Variants in KATNBL1 observed in about 807,000 individuals in gnomAD.
KATNBL1 encodes the protein katanin regulatory subunit B1 like 1.
Under a neutral mutation model 44.7 loss-of-function variants are expected in KATNBL1, and 28 were observed. The observed-to-expected ratio is 0.63, with a 90% CI of 0.46 to 0.86. KATNBL1 has a LOEUF of 0.86. Among genes scored for constraint, KATNBL1 ranks in the 40% least tolerant of loss-of-function variants. The pLI, the probability that KATNBL1 is intolerant of heterozygous loss-of-function variation, is 0.00. For missense variants in KATNBL1, 272 were observed against 350.7 expected (o/e 0.78, Z 1.79); for synonymous variants, 78 against 114.9 (o/e 0.68, Z 2.06).
Position 34,197,011 on chromosome 15 carries a change from T to C in KATNBL1, c.-15+12940A>G, listed in dbSNP as rs150419754. 2.9e-3 allele frequency among the ~76,000 whole-genome samples: 435 copies of C among 152,332 alleles called. 9 individuals are homozygous for C. Among genetic ancestry groups the C allele is most frequent in the Admixed American group, 0.023 (355 of 15,306 alleles). ...ATTTCCAATTGCTGTCTTCACTAAATTGGGAACTAAGAAGCTTGGCAAATG... is the reference window on the plus strand; with the variant it reads ...ATTTCCAATTGCTGTCTTCACTAAACTGGGAACTAAGAAGCTTGGCAAATG... On this transcript the variant is annotated intron_variant, in intron 1 of 9. Transcript: ENST00000256544.
chr15:34,168,003 A>T (rs778301971), intron 1 of KATNBL1, among the ~76,000 whole-genome samples: 19 of 152,348 alleles, frequency 1.2e-4, no homozygotes, highest in Middle Eastern at 6.8e-3. Context: ...TGTAAAGACC[A>T]TCGATGCTAT....
intron 1 of KATNBL1, among the ~76,000 whole-genome samples, chr15:34,171,809 G>A (rs1026823471): frequency 3.3e-5 from 5 of 151,960 alleles, no homozygotes; most frequent in African/African-American, 1.2e-4. Flanking sequence ...AGCTGGAAAC[G>A]ATCATTTTCA....
chr15:34,188,510 TGTGC>T (rs1473199866), intron 1 of KATNBL1, among the ~76,000 whole-genome samples: 2 of 152,100 alleles, frequency 1.3e-5, no homozygotes, highest in African/African-American at 2.4e-5. Context: ...GAGTCAAGAT[TGTGC>T]CACTGTACTC....
At chr15:34,199,374 T>C (rs1263810345) in intron 1 of KATNBL1, among the ~76,000 whole-genome samples, 1 of 152,038 alleles carries the variant, frequency 6.6e-6, no homozygotes, top group Admixed American at 6.5e-5. Context: ...GAGGTGGAGG[T>C]TGCAATGAGC....
intron 1 of KATNBL1, among the ~76,000 whole-genome samples, chr15:34,188,136 G>GCAAAAAAAAAAAA (rs1394136257): frequency 0.016 from 107 of 6,588 alleles, 3 homozygotes; most frequent in Non-Finnish European, 0.041. Flanking sequence ...AAGACGCCAT[G>GCAAAAAAAAAAAA]TAAAAAAAAA....
intron 1 of KATNBL1, among the ~76,000 whole-genome samples, chr15:34,202,970 G>A (rs1334629397): frequency 3.3e-5 from 5 of 152,044 alleles, no homozygotes; most frequent in Non-Finnish European, 5.9e-5. Flanking sequence ...CAGCCTGGGC[G>A]ACAGCAAGAC....
At chr15:34,205,920 T>A (rs1035164933) in intron 1 of KATNBL1, among the ~76,000 whole-genome samples, 1 of 152,152 alleles carries the variant, frequency 6.6e-6, no homozygotes, top group Non-Finnish European at 1.5e-5. Flanking sequence ...CTTTTAAAAA[T>A]GCCTTTAGGA....
intron 1 of KATNBL1, among the ~76,000 whole-genome samples, chr15:34,167,282 C>T (rs1476103445): frequency 3.9e-5 from 6 of 152,074 alleles, no homozygotes; most frequent in African/African-American, 7.3e-5. Flanking sequence ...AATCACAGTA[C>T]GAGAACTTCA....
chr15:34,146,970 T>C (rs866337676), intron 7 of KATNBL1, 120 bp from the exon 8 acceptor site: 12 of 688,192 alleles, frequency 1.7e-5, no homozygotes, highest in South Asian at 3.6e-5. Context: ...TTTTAAAAAA[T>C]TGTTACCTTC....
At chr15:34,182,536 C>G (rs534082253) in intron 1 of KATNBL1, among the ~76,000 whole-genome samples, 2 of 152,106 alleles carry the variant, frequency 1.3e-5, no homozygotes, top group South Asian at 4.1e-4. Flanking sequence ...AAAAATTATG[C>G]TGGGACAATA....
At chr15:34,201,891 T>G (rs148003529) in intron 1 of KATNBL1, among the ~76,000 whole-genome samples, 2 of 152,332 alleles carry the variant, frequency 1.3e-5, no homozygotes, top group African/African-American at 4.8e-5. Flanking sequence ...CTCATCACTA[T>G]TCCCCCAATA....
intron 2 of KATNBL1, among the ~76,000 whole-genome samples, chr15:34,158,999 C>T: frequency 6.6e-6 from 1 of 152,168 alleles, no homozygotes; most frequent in South Asian, 2.1e-4. Context: ...AGCGAATTAT[C>T]AGTGGTTAGT....
chr15:34,153,972 T>C (rs1247155691), intron 3 of KATNBL1, among the ~76,000 whole-genome samples: 1 of 152,250 alleles, frequency 6.6e-6, no homozygotes, highest in Admixed American at 6.5e-5. Context: ...CATATTAACA[T>C]GGAATATCTT....
chr15:34,207,020 G>C (rs1002220077), intron 1 of KATNBL1, among the ~76,000 whole-genome samples: 4 of 139,310 alleles, frequency 2.9e-5, no homozygotes, highest in Admixed American at 1.4e-4. Flanking sequence ...GATGCATCTT[G>C]TTGTTACTAG....
chr15:34,204,100 C>A (rs971450706), intron 1 of KATNBL1, among the ~76,000 whole-genome samples: 2 of 150,456 alleles, frequency 1.3e-5, no homozygotes, highest in African/African-American at 2.4e-5. Context: ...AGGTAACCAA[C>A]AACAGGCCAG....
intron 1 of KATNBL1, among the ~76,000 whole-genome samples, chr15:34,199,122 G>C (rs1214011729): frequency 1.3e-5 from 2 of 152,188 alleles, no homozygotes; most frequent in Admixed American, 6.5e-5. Flanking sequence ...TACTATACTT[G>C]TTAGGTTTAT....
chr15:34,202,269 AT>A (rs1459297017), intron 1 of KATNBL1, among the ~76,000 whole-genome samples: 2 of 152,242 alleles, frequency 1.3e-5, no homozygotes, highest in Non-Finnish European at 2.9e-5. Context: ...ATATAAATTA[AT>A]TAAAAAACTC....
Position 34,142,204 on chromosome 15 carries a change from G to A in KATNBL1, c.*135C>T, listed in dbSNP as rs531638601. 6.5e-5 allele frequency: 54 copies of A among 826,994 alleles called. No individual in the cohort carries two copies. The highest frequency in any genetic ancestry group is 8.5e-4 in the Middle Eastern group (2 of 2,360). The allele number at this position is 826,994 out of a possible 1,614,324, so 51.2% of individuals were successfully genotyped here. A position where few individuals can be genotyped will look rare whatever the true frequency, so the allele number is the denominator to read the frequency against. On this transcript the variant is annotated 3_prime_UTR_variant, in exon 10 of 10. Transcript: ENST00000256544. ...GGGATTTCATTAGTGGTTTCATTACGTGGCTTTTTAAAAGAAAAAATAGTT... is the reference window on the plus strand; with the variant it reads ...GGGATTTCATTAGTGGTTTCATTACATGGCTTTTTAAAAGAAAAAATAGTT...
chr15:34,177,541 G>T (rs1889371737), intron 1 of KATNBL1, among the ~76,000 whole-genome samples: 1 of 150,536 alleles, frequency 6.6e-6, no homozygotes, highest in African/African-American at 2.4e-5. Flanking sequence ...CTACTTGGGA[G>T]GCTGAGGCAG....
Sources: allele counts gnomAD v4.1 joint callset (sites outside exome capture counted in the v4.1 genomes callset), GRCh38; gene constraint gnomAD v4.1.1; transcripts MANE v1.5; gene names NCBI Gene and HGNC (gene_info 2026-07-23, HGNC 2026-07-21).